The following CDH13 variants were observed in gnomAD, a reference collection of about 807,000 sequenced individuals.
The protein encoded by CDH13 is cadherin-13.
Under a neutral mutation model 63.8 loss-of-function variants are expected in CDH13, and 24 were observed. That is an observed-to-expected ratio of 0.38 (90% CI 0.27 to 0.53). The LOEUF is 0.53. Among genes scored for constraint, CDH13 ranks in the 20% least tolerant of loss-of-function variants. The pLI is 0.85. For missense variants in CDH13, 1,049 were observed against 903.1 expected (o/e 1.16, Z -2.07); for synonymous variants, 503 against 355.3 (o/e 1.42, Z -4.67).
At chr16:82,719,701 C>T (rs1006670968) in intron 1 of CDH13, among the ~76,000 whole-genome samples, 1 of 151,970 alleles carries the variant, frequency 6.6e-6, no homozygotes, top group African/African-American at 2.4e-5. Flanking sequence ...CAAAATTTAT[C>T]TGGGTGTGGT....
At chr16:82,667,731 G>A (rs554649482) in intron 1 of CDH13, among the ~76,000 whole-genome samples, 1 of 152,080 alleles carries the variant, frequency 6.6e-6, no homozygotes. Flanking sequence ...AGTCACTATG[G>A]AGCCGCCCCC....
intron 4 of CDH13, among the ~76,000 whole-genome samples, chr16:83,183,624 T>C (rs2151746928): frequency 6.6e-6 from 1 of 152,322 alleles, no homozygotes; most frequent in Admixed American, 6.5e-5. Context: ...CTTTCCAAAG[T>C]CAGGGTGTGT....
At position 83,003,952 on chromosome 16, in the gene CDH13, A is replaced by G. The variant is rs1478275282; in HGVS notation, c.158-28058A>G. Among the ~76,000 whole-genome samples, 3 of 152,226 alleles carry G rather than the reference A, an allele frequency of 2.0e-5. No individual in the cohort carries two copies. The East Asian group carries it at 5.8e-4, about 29-fold the overall frequency. ...CTAAGTGGATTTGCTCCATGTAAAT[A>G]CTGTACTTCCTTATCGTATTAACAA... On this transcript the variant is annotated intron_variant, in intron 2 of 13. Transcript: ENST00000567109.
chr16:82,801,634 AG>A (rs142470446), intron 1 of CDH13, among the ~76,000 whole-genome samples: 14 of 152,364 alleles, frequency 9.2e-5, no homozygotes, highest in Non-Finnish European at 1.6e-4. Context: ...TTAGTCATTG[AG>A]GGAAGTACAA....
chr16:83,006,486 G>C (rs1036522872), intron 2 of CDH13, among the ~76,000 whole-genome samples: 1 of 151,988 alleles, frequency 6.6e-6, no homozygotes, highest in African/African-American at 2.4e-5. Context: ...TGAGGATGAT[G>C]GGGTGACTTG....
At chr16:83,780,263 A>G in intron 12 of CDH13, 62 bp downstream of exon 12, 1 of 1,143,022 alleles carries the variant, frequency 8.7e-7, no homozygotes, top group Non-Finnish European at 1.3e-6. Context: ...TCTCTTTCCC[A>G]AAATGCTGTT....
intron 7 of CDH13, among the ~76,000 whole-genome samples, chr16:83,590,227 A>T (rs1906599330): frequency 6.6e-6 from 1 of 152,146 alleles, no homozygotes; most frequent in Non-Finnish European, 1.5e-5. Flanking sequence ...GGAGAGGGGC[A>T]TAGAAGAAGG....
At chr16:83,157,294 A>G (rs1387197286) in intron 4 of CDH13, among the ~76,000 whole-genome samples, 1 of 142,034 alleles carries the variant, frequency 7.0e-6, no homozygotes, top group Non-Finnish European at 1.5e-5. Flanking sequence ...GTGTTCTCAC[A>G]AGGAACAGGA....
intron 1 of CDH13, among the ~76,000 whole-genome samples, chr16:82,854,147 C>T (rs2039598177): frequency 6.6e-6 from 1 of 152,070 alleles, no homozygotes; most frequent in Non-Finnish European, 1.5e-5. Context: ...TGCCTGTAAT[C>T]CTAGAACTTT....
intron 1 of CDH13, among the ~76,000 whole-genome samples, chr16:82,691,216 T>TGATA (rs527659380): frequency 3.3e-5 from 5 of 152,156 alleles, no homozygotes; most frequent in Non-Finnish European, 5.9e-5. Context: ...CCAAAGTGTT[T>TGATA]GTTAGTTAGT....
chr16:83,795,092 T>A lies in CDH13; in HGVS notation c.*62T>A. Reference sequence around the variant, plus strand: ...CATAGCAACAGGAAAAAAAAAAATCTATCCAAATCTGAAGATTGCGGTTTA... The same window carrying A: ...CATAGCAACAGGAAAAAAAAAAATCAATCCAAATCTGAAGATTGCGGTTTA... On this transcript the variant is annotated 3_prime_UTR_variant, in exon 14 of 14. Transcript: ENST00000567109. 7.1e-7 allele frequency: 1 copy of A among 1,410,740 alleles called. No homozygotes were observed. Among genetic ancestry groups the A allele is most frequent in the Non-Finnish European group, 9.7e-7 (1 of 1,028,264 alleles). The allele number at this position is 1,410,740 out of a possible 1,614,324, so 87.4% of individuals were successfully genotyped here.
chr16:83,704,659 G>A (rs1269718133), intron 10 of CDH13, among the ~76,000 whole-genome samples: 1 of 152,174 alleles, frequency 6.6e-6, no homozygotes, highest in Non-Finnish European at 1.5e-5. Flanking sequence ...CAATTACATG[G>A]TCACTATCCT....
At chr16:83,350,551 C>A (rs1435926172) in intron 6 of CDH13, among the ~76,000 whole-genome samples, 1 of 100,580 alleles carries the variant, frequency 9.9e-6, no homozygotes, top group African/African-American at 8.3e-5. Flanking sequence ...TGTCTTAGTC[C>A]CTTTAATTTT....
At chr16:83,352,288 A>C (rs2090968963) in intron 6 of CDH13, among the ~76,000 whole-genome samples, 1 of 152,202 alleles carries the variant, frequency 6.6e-6, no homozygotes, top group Non-Finnish European at 1.5e-5. Flanking sequence ...AATGGAATGA[A>C]AAGTATTATC....
chr16:83,508,137 AAGGGG>A (rs1163748883), intron 7 of CDH13, among the ~76,000 whole-genome samples: 8 of 82,040 alleles, frequency 9.8e-5, no homozygotes, highest in African/African-American at 1.6e-4. Context: ...AAGGAAAGGG[AAGGGG>A]AGGGGAGGGG....
At chr16:83,354,181 G>A (rs984988783) in intron 6 of CDH13, among the ~76,000 whole-genome samples, 8 of 152,194 alleles carry the variant, frequency 5.3e-5, no homozygotes, top group African/African-American at 1.9e-4. Context: ...AAGTCCTTGA[G>A]TTGTCCTAGC....
intron 1 of CDH13, among the ~76,000 whole-genome samples, chr16:82,739,717 C>G (rs1454129783): frequency 6.6e-6 from 1 of 152,120 alleles, no homozygotes; most frequent in East Asian, 1.9e-4. Flanking sequence ...TACGATGACA[C>G]TCAGACTTTG....
rs558638446 is a variant in CDH13 at position 83,167,426 on chromosome 16, A to G, written c.483+41925A>G. On this transcript the variant is annotated intron_variant, in intron 4 of 13. Transcript: ENST00000567109. ...GCAGGAGAATCTCTTGAACCTGGGA[A>G]GCGGCAGAAGTTGCAGTGAGCTGAG... Among the ~76,000 whole-genome samples, 504 of 149,978 alleles carry G rather than the reference A, an allele frequency of 3.4e-3. 5 individuals carry two copies. Among genetic ancestry groups the G allele is most frequent in the Non-Finnish European group, 5.7e-3 (384 of 67,574 alleles).
intron 6 of CDH13, among the ~76,000 whole-genome samples, chr16:83,356,026 G>A (rs935860900): frequency 3.9e-5 from 6 of 152,190 alleles, no homozygotes; most frequent in Non-Finnish European, 7.3e-5. Flanking sequence ...GGTGGGTGAT[G>A]AAGCTCAGAT....
Sources: gnomAD v4.1 joint callset for allele counts (sites outside exome capture counted in the v4.1 genomes callset) on GRCh38, gnomAD v4.1.1 for gene constraint, MANE v1.5 for transcripts, NCBI Gene and HGNC (gene_info 2026-07-23, HGNC 2026-07-21) for gene names.